The following ST6GALNAC5 variants were observed in gnomAD, a reference collection of about 807,000 sequenced individuals.
The protein encoded by ST6GALNAC5 is alpha-N-acetylgalactosaminide alpha-2,6-sialyltransferase 5.
ST6GALNAC5 carries 27 observed loss-of-function variants against 33.6 expected under a neutral mutation model. The ratio of observed to expected loss-of-function variants is 0.80; its 90% CI spans 0.59 to 1.11. The LOEUF (loss-of-function observed/expected upper bound fraction) is 1.11, where lower values mean the gene tolerates loss of function less well. Among genes scored for constraint, ST6GALNAC5 ranks in the 50% least tolerant of loss-of-function variants. The pLI, the probability that ST6GALNAC5 is intolerant of heterozygous loss-of-function variation, is 0.00. For synonymous variants in ST6GALNAC5, 194 were observed against 171.2 expected (o/e 1.13, Z -1.04); for missense variants, 428 against 454.0 (o/e 0.94, Z 0.52).
chr1:77,044,479 G>A lies in ST6GALNAC5; in HGVS notation c.537G>A (p.Arg179=), dbSNP rs1359553967. Residue 179 remains arginine, a synonymous_variant, in exon 3 of 5, where the codon CGG becomes CGA. Transcript: ENST00000477717. The part of the protein sequence containing the change: ...IFWGPSSYMR[R]DGKGQVYNNL... The stretch of plus-strand genomic sequence containing the variant: ...GGGGCCCCAGCAGCTACATGCGGCG[G>A]GACGGCAAGGGCCAGGTCTACAACA... 1 of 1,613,374 alleles carries A rather than the reference G, an allele frequency of 6.2e-7. No individual in the cohort carries two copies. The highest frequency in any genetic ancestry group is 1.1e-5 in the South Asian group (1 of 90,996).
chr1:77,011,297 A>G (rs182292660), intron 2 of ST6GALNAC5, among the ~76,000 whole-genome samples: 1 of 152,196 alleles, frequency 6.6e-6, no homozygotes, highest in Non-Finnish European at 1.5e-5. Context: ...GGCCTGTACA[A>G]AGTCACCAAC....
chr1:76,938,969 A>G (rs1172213122), intron 2 of ST6GALNAC5, among the ~76,000 whole-genome samples: 4 of 152,174 alleles, frequency 2.6e-5, no homozygotes, highest in African/African-American at 4.8e-5. Flanking sequence ...AATATTTACT[A>G]AACAGTCAAA....
chr1:77,035,838 T>C (rs981190024), intron 2 of ST6GALNAC5, among the ~76,000 whole-genome samples: 1 of 152,210 alleles, frequency 6.6e-6, no homozygotes. Context: ...CTTTGGAAAG[T>C]AGTTTAGCAG....
intron 2 of ST6GALNAC5, among the ~76,000 whole-genome samples, chr1:76,973,964 T>G (rs1648875724): frequency 6.6e-6 from 1 of 152,130 alleles, no homozygotes; most frequent in Non-Finnish European, 1.5e-5. Context: ...TGAATATTTA[T>G]AGAATATTTT....
chr1:76,875,763 A>G (rs887127630), intron 2 of ST6GALNAC5, among the ~76,000 whole-genome samples: 4 of 151,890 alleles, frequency 2.6e-5, no homozygotes, highest in African/African-American at 9.7e-5. Flanking sequence ...AAACAGTACC[A>G]TATATTGGAC....
intron 2 of ST6GALNAC5, among the ~76,000 whole-genome samples, chr1:77,027,597 A>G (rs1651295496): frequency 6.6e-6 from 1 of 152,210 alleles, no homozygotes; most frequent in Admixed American, 6.5e-5. Flanking sequence ...ATTGAGGGTT[A>G]TAAGACTTAA....
intron 2 of ST6GALNAC5, among the ~76,000 whole-genome samples, chr1:76,943,075 G>A (rs1205685864): frequency 6.6e-6 from 1 of 152,038 alleles, no homozygotes; most frequent in Non-Finnish European, 1.5e-5. Context: ...GGCAACTTTT[G>A]TCTCCTCTCC....
chr1:76,878,125 A>G (rs1481654757), intron 2 of ST6GALNAC5, among the ~76,000 whole-genome samples: 1 of 152,190 alleles, frequency 6.6e-6, no homozygotes, highest in Non-Finnish European at 1.5e-5. Flanking sequence ...GCATCTTTCA[A>G]GTCCTTGATG....
chr1:77,028,088 T>G (rs1263693040), intron 2 of ST6GALNAC5, among the ~76,000 whole-genome samples: 1 of 152,230 alleles, frequency 6.6e-6, no homozygotes, highest in Non-Finnish European at 1.5e-5. Flanking sequence ...CTCTGCCCTG[T>G]GCCTCCCACA....
intron 2 of ST6GALNAC5, among the ~76,000 whole-genome samples, chr1:76,983,349 G>T (rs1483213844): frequency 6.6e-6 from 1 of 152,052 alleles, no homozygotes; most frequent in Non-Finnish European, 1.5e-5. Flanking sequence ...AAAAGAAAAA[G>T]CAGGGGTTGC....
At chr1:76,887,917 C>T (rs1348662781) in intron 2 of ST6GALNAC5, among the ~76,000 whole-genome samples, 2 of 151,888 alleles carry the variant, frequency 1.3e-5, no homozygotes, top group African/African-American at 4.8e-5. Context: ...TCAAATTCTT[C>T]TCATTCTATT....
Position 76,868,696 on chromosome 1 carries a change from C to T in ST6GALNAC5, c.215C>T (p.Ala72Val), listed in dbSNP as rs747671431. 3.2e-6 allele frequency: 5 copies of T among 1,538,820 alleles called. No homozygotes were observed. In the South Asian group the frequency reaches 3.6e-5, roughly 11 times the overall value. ...SSTQQRPGVP[A>V]GPRPLDGYLG... The stretch of plus-strand genomic sequence containing the variant: ...ACCCAGCAGCGCCCCGGGGTCCCCG[C>T]GGGACCGCGGCCACTGGACGGATAC... Residue 72 changes from alanine (A) to valine (V), a missense_variant, in exon 2 of 5, where the codon GCG (alanine) becomes GTG (valine). Ala to Val is a moderately conservative substitution (Grantham distance 64, BLOSUM62 0). Transcript: ENST00000477717. The surrounding 1 kb of genome is among the most constrained non-coding windows in gnomAD (Gnocchi z 4.3).
At chr1:77,007,773 C>T (rs1295974881) in intron 2 of ST6GALNAC5, among the ~76,000 whole-genome samples, 1 of 152,226 alleles carries the variant, frequency 6.6e-6, no homozygotes, top group African/African-American at 2.4e-5. Context: ...CCGTGGCTTG[C>T]CGTAAGGGCA....
chr1:76,893,902 A>G (rs148630490), intron 2 of ST6GALNAC5, among the ~76,000 whole-genome samples: 1,978 of 152,186 alleles, frequency 0.013, 40 homozygotes, highest in African/African-American at 0.046. Context: ...CTCGTGATCC[A>G]CCCACCTTGG....
intron 2 of ST6GALNAC5, among the ~76,000 whole-genome samples, chr1:76,935,767 G>A (rs146545393): frequency 6.6e-6 from 1 of 152,016 alleles, no homozygotes. Flanking sequence ...ATAGCAATGT[G>A]GTAATTTAAA....
intron 2 of ST6GALNAC5, among the ~76,000 whole-genome samples, chr1:76,920,993 T>G: frequency 6.6e-6 from 1 of 152,192 alleles, no homozygotes; most frequent in Admixed American, 6.6e-5. Context: ...GAACTGCTAA[T>G]GGCAGAGAAT....
chr1:76,926,659 C>T (rs1647089211), intron 2 of ST6GALNAC5, among the ~76,000 whole-genome samples: 1 of 152,096 alleles, frequency 6.6e-6, no homozygotes. Context: ...CTTGTACATG[C>T]ATTCTTGTGC....
chr1:76,919,246 C>G (rs959321179), intron 2 of ST6GALNAC5, among the ~76,000 whole-genome samples: 3 of 152,144 alleles, frequency 2.0e-5, no homozygotes, highest in African/African-American at 7.2e-5. Context: ...ATGCCTCAGC[C>G]TGGCTCAGAC....
At chr1:76,901,559 CA>C (rs1348030924) in intron 2 of ST6GALNAC5, among the ~76,000 whole-genome samples, 1 of 152,142 alleles carries the variant, frequency 6.6e-6, no homozygotes, top group Non-Finnish European at 1.5e-5. Flanking sequence ...ATGGTACATT[CA>C]AAAACTGCTG....
Sources: gnomAD v4.1 joint callset for allele counts (sites outside exome capture counted in the v4.1 genomes callset) on GRCh38, gnomAD v4.1.1 for gene constraint, Gnocchi (gnomAD v3.1) non-coding constraint, MANE v1.5 for transcripts, NCBI Gene and HGNC (gene_info 2026-07-23, HGNC 2026-07-21) for gene names.